The following MCMBP variants were observed in gnomAD, a reference collection of about 807,000 sequenced individuals.
MCMBP encodes minichromosome maintenance complex binding protein, also known as mini-chromosome maintenance complex-binding protein.
A neutral mutation model predicts 81.3 loss-of-function variants in MCMBP; 31 were observed. The ratio of observed to expected loss-of-function variants is 0.38; its 90% CI spans 0.29 to 0.51. MCMBP has a LOEUF of 0.51. Ranked by LOEUF, MCMBP falls within the 20% of genes least tolerant of loss-of-function variation. The pLI is 0.87. For missense variants in MCMBP, 645 were observed against 772.1 expected (o/e 0.84, Z 1.95); for synonymous variants, 267 against 275.9 (o/e 0.97, Z 0.32).
chr10:119,843,035 G>A, intron 9 of MCMBP: 1 of 512,826 alleles, frequency 1.9e-6, no homozygotes, highest in East Asian at 4.2e-5. Flanking sequence ...TTACAGGCGT[G>A]AGCCACTGCA....
intron 5 of MCMBP, among the ~76,000 whole-genome samples, chr10:119,853,668 G>A (rs575183331): frequency 9.2e-5 from 14 of 152,352 alleles, no homozygotes; most frequent in African/African-American, 2.9e-4. Context: ...AAAAGACCCT[G>A]AAGGTTCCAT....
At chr10:119,846,021 T>G (rs1236774041) in intron 8 of MCMBP, among the ~76,000 whole-genome samples, 1 of 152,196 alleles carries the variant, frequency 6.6e-6, no homozygotes, top group East Asian at 1.9e-4. Flanking sequence ...TGTGGGTGCG[T>G]ATATATGTAT....
chr10:119,857,246 T>C, intron 5 of MCMBP, 92 bp downstream of exon 5: 4 of 922,614 alleles, frequency 4.3e-6, no homozygotes, highest in Non-Finnish European at 6.5e-6. Context: ...CACACTTTAT[T>C]AAAATAAAGC....
At chr10:119,858,709 G>A (rs1390600312) in intron 4 of MCMBP, among the ~76,000 whole-genome samples, 175 bp downstream of exon 4, 1 of 151,890 alleles carries the variant, frequency 6.6e-6, no homozygotes, top group Non-Finnish European at 1.5e-5. Context: ...AAGATCTTTA[G>A]AGGATTAAAA....
intron 14 of MCMBP, among the ~76,000 whole-genome samples, chr10:119,832,760 C>A (rs541454158): frequency 2.8e-4 from 42 of 152,276 alleles, no homozygotes; most frequent in African/African-American, 1.0e-3. Context: ...CTATGAACCA[C>A]CTCTTTCCCC....
chr10:119,843,263 TCTC>T lies in MCMBP; in HGVS notation c.988_990del (p.Glu330del), dbSNP rs757542514. On this transcript the variant is annotated inframe_deletion, in exon 9 of 16. Coordinates refer to ENST00000369077, the MANE Select transcript of MCMBP (RefSeq NM_001256378.2). ...TAACACTTACACTTACAGGTTTTGC[TCTC>T]CTCTTTGTTAAGGCAGGCAGGCAAT... 1 of 1,613,596 alleles carries T rather than the reference TCTC, an allele frequency of 6.2e-7. No individual in the cohort carries two copies. The highest frequency in any genetic ancestry group is 1.3e-5 in the African/African-American group (1 of 74,904).
At chr10:119,856,491 G>C (rs189060806) in intron 5 of MCMBP, among the ~76,000 whole-genome samples, 1 of 152,294 alleles carries the variant, frequency 6.6e-6, no homozygotes, top group Admixed American at 6.5e-5. Flanking sequence ...TCATTCAACA[G>C]ACAAGACCAA....
intron 1 of MCMBP, among the ~76,000 whole-genome samples, chr10:119,870,848 G>A (rs1853646333): frequency 6.6e-6 from 1 of 152,128 alleles, no homozygotes; most frequent in African/African-American, 2.4e-5. Context: ...ACATTCTGGG[G>A]AGAAACACAT....
At position 119,843,312 on chromosome 10, in the gene MCMBP, C is replaced by T; in HGVS notation, c.942G>A (p.Lys314=). ...GCAATAATGGGTTGATGTGTTGCAA[C>T]TTCTGGGCTAAGATCACATGAATTC... ...VPRIHVILAQ[K]LQHINPLLPA... The change falls in exon 9 of 16, where the codon AAG becomes AAA. Residue 314 remains lysine (K), a synonymous_variant. Coordinates refer to ENST00000369077, the MANE Select transcript of MCMBP (RefSeq NM_001256378.2). 6.2e-7 allele frequency: 1 copy of T among 1,614,008 alleles called. No homozygotes were observed. Among genetic ancestry groups the T allele is most frequent in the East Asian group, 2.2e-5 (1 of 44,874 alleles).
At chr10:119,836,231 A>G (rs911095061) in intron 13 of MCMBP, among the ~76,000 whole-genome samples, 4 of 152,264 alleles carry the variant, frequency 2.6e-5, no homozygotes, top group Admixed American at 2.0e-4. Flanking sequence ...CAATGGTATC[A>G]GTAAGCACAC....
chr10:119,843,078 A>T, intron 9 of MCMBP, 176 bp downstream of exon 9: 1 of 684,134 alleles, frequency 1.5e-6, no homozygotes, highest in Non-Finnish European at 2.5e-6. Context: ...TCCTCATTTC[A>T]GTGAAGAGAA....
chr10:119,873,556 C>A (rs1180151863), upstream of MCMBP: 1 of 152,222 alleles, frequency 6.6e-6, no homozygotes, highest in Non-Finnish European at 1.5e-5. Context: ...CACTGCGCGC[C>A]GCTAGGATAC....
chr10:119,849,591 T>C lies in MCMBP; in HGVS notation c.575-15A>G, dbSNP rs760797694. 4.5e-6 allele frequency: 7 copies of C among 1,563,904 alleles called. No homozygotes were observed. The highest frequency in any genetic ancestry group is 6.0e-6 in the Non-Finnish European group (7 of 1,164,482). On this transcript the variant is annotated splice_polypyrimidine_tract_variant and intron_variant, in intron 6 of 15. Coordinates refer to ENST00000369077, the MANE Select transcript of MCMBP (RefSeq NM_001256378.2). ...ACCAACACTCCCTAAATTCAAAGGA[T>C]AGCATTGCACTTAGTCATTTCTAAG... is the stretch of plus-strand genomic sequence containing the variant.
upstream of MCMBP, chr10:119,872,965 G>GCGC (rs1853762182): frequency 6.6e-6 from 1 of 151,806 alleles, no homozygotes; most frequent in Non-Finnish European, 1.5e-5. Context: ...GGCGGCGGCG[G>GCGC]CGCCGCCATC....
chr10:119,860,858 C>G (rs1382575948), intron 1 of MCMBP, among the ~76,000 whole-genome samples: 1 of 152,198 alleles, frequency 6.6e-6, no homozygotes, highest in African/African-American at 2.4e-5. Flanking sequence ...GTTTATCCTT[C>G]CAGATGTCTG....
Position 119,847,666 on chromosome 10 carries a change from T to C in MCMBP, c.774A>G (p.Leu258=), listed in dbSNP as rs1589785830. Reference sequence around the variant, plus strand: ...CAGGATCCACAGACAGTATGCCATATAGCTCAAGAATGTCATTTACTTTGA... The same window carrying C: ...CAGGATCCACAGACAGTATGCCATACAGCTCAAGAATGTCATTTACTTTGA... The part of the protein sequence containing the change: ...DCFKVNDILE[L]YGILSVDPVL... Residue 258 remains leucine (L), a synonymous_variant, in exon 8 of 16, where the codon CTA becomes CTG. Coordinates refer to ENST00000369077, the MANE Select transcript of MCMBP (RefSeq NM_001256378.2). 6.2e-7 allele frequency: 1 copy of C among 1,612,168 alleles called. No individual in the cohort carries two copies.
chr10:119,852,107 G>A (rs191945228), intron 6 of MCMBP, among the ~76,000 whole-genome samples: 1,607 of 135,380 alleles, frequency 0.012, 11 homozygotes, highest in Non-Finnish European at 0.014. Flanking sequence ...AGCCAAGATC[G>A]TGCCACTGCA....
intron 5 of MCMBP, among the ~76,000 whole-genome samples, chr10:119,856,313 C>T (rs745645144): frequency 1.1e-4 from 17 of 152,092 alleles, no homozygotes; most frequent in Non-Finnish European, 1.2e-4. Flanking sequence ...AGCTTAAAAC[C>T]GTAAATAACC....
chr10:119,852,990 C>T, intron 6 of MCMBP, 60 bp downstream of exon 6: 1 of 1,591,660 alleles, frequency 6.3e-7, no homozygotes, highest in African/African-American at 1.3e-5. Flanking sequence ...ACAATTCACT[C>T]TGAAAACCAA....
Sources: gnomAD v4.1 joint callset for allele counts (sites outside exome capture counted in the v4.1 genomes callset) on GRCh38, gnomAD v4.1.1 for gene constraint, MANE v1.5 for transcripts, NCBI Gene and HGNC (gene_info 2026-07-23, HGNC 2026-07-21) for gene names.